GRIA4: variants seen among roughly 807,000 people sequenced by gnomAD.
GRIA4 encodes the protein glutamate receptor 4.
GRIA4 carries 34 observed loss-of-function variants against 104.0 expected under a neutral mutation model. The ratio of observed to expected loss-of-function variants is 0.33; its 90% confidence interval spans 0.25 to 0.44. GRIA4 has a LOEUF of 0.44. Among genes scored for constraint, GRIA4 ranks in the 20% least tolerant of loss-of-function variants. The pLI is 1.00. For missense variants in GRIA4, 750 were observed against 1,096.5 expected (o/e 0.68, Z 4.46); for synonymous variants, 386 against 381.9 (o/e 1.01, Z -0.13).
chr11:105,712,569 G>T (rs948025428), intron 3 of GRIA4, among the ~76,000 whole-genome samples: 13 of 152,006 alleles, frequency 8.6e-5, no homozygotes, highest in Non-Finnish European at 5.9e-5. Flanking sequence ...ACTTTTCAAA[G>T]GGATTATTAC....
chr11:105,659,116 G>A (rs1401881086), intron 3 of GRIA4, among the ~76,000 whole-genome samples: 1 of 151,958 alleles, frequency 6.6e-6, no homozygotes, highest in Non-Finnish European at 1.5e-5. Context: ...AAATACCTGA[G>A]GGTTCCAGTG....
chr11:105,808,916 T>C (rs1269794553), intron 4 of GRIA4, among the ~76,000 whole-genome samples: 1 of 152,162 alleles, frequency 6.6e-6, no homozygotes, highest in Non-Finnish European at 1.5e-5. Flanking sequence ...TTCACACATA[T>C]TTAAATTTTT....
chr11:105,699,013 A>G (rs1953389280), intron 3 of GRIA4, among the ~76,000 whole-genome samples: 1 of 152,166 alleles, frequency 6.6e-6, no homozygotes. Flanking sequence ...AGTTATCCTA[A>G]CTTCCTACAA....
At chr11:105,786,804 C>T (rs1443033674) in intron 4 of GRIA4, among the ~76,000 whole-genome samples, 1 of 152,190 alleles carries the variant, frequency 6.6e-6, no homozygotes, top group Non-Finnish European at 1.5e-5. Flanking sequence ...AATTGAACCA[C>T]TAGCAATTAT....
chr11:105,791,510 T>C (rs959489283), intron 4 of GRIA4, among the ~76,000 whole-genome samples: 2 of 152,194 alleles, frequency 1.3e-5, no homozygotes, highest in African/African-American at 4.8e-5. Flanking sequence ...TAATGAAGAT[T>C]ACTCCCATTT....
chr11:105,948,585 TTTTC>T (rs1948376362), intron 14 of GRIA4, among the ~76,000 whole-genome samples: 2 of 139,144 alleles, frequency 1.4e-5, no homozygotes, highest in South Asian at 4.7e-4. Flanking sequence ...TTTTCTTTTC[TTTTC>T]TTTTTGTTTT....
At chr11:105,725,790 G>C (rs954439022) in intron 3 of GRIA4, among the ~76,000 whole-genome samples, 8 of 152,096 alleles carry the variant, frequency 5.3e-5, no homozygotes, top group African/African-American at 1.9e-4. Flanking sequence ...GAAGCACAAG[G>C]GTCGGGCAAC....
At chr11:105,636,501 T>G (rs1236273423) in intron 3 of GRIA4, among the ~76,000 whole-genome samples, 1 of 152,180 alleles carries the variant, frequency 6.6e-6, no homozygotes, top group Non-Finnish European at 1.5e-5. Context: ...TTTATCATTT[T>G]CTTTTCTCCA....
chr11:105,662,001 G>GTGTT lies in GRIA4; in HGVS notation c.247+49570_247+49571insTTGT, dbSNP rs545828485. ...CTTCAATGAAGAAAACTGTGTGTGTGTGTGTTTGTGTGTGTGTGTGTGTGC... is the reference window on the plus strand; with the variant it reads ...CTTCAATGAAGAAAACTGTGTGTGTGTGTTTGTGTTTGTGTGTGTGTGTGTGTGC... On this transcript the variant is annotated intron_variant, in intron 3 of 16. Coordinates refer to ENST00000282499, the MANE Select transcript of GRIA4 (RefSeq NM_000829.4). Among the ~76,000 whole-genome samples, 56 of 52,176 alleles carry GTGTT rather than the reference G, an allele frequency of 1.1e-3. 1 individual carries two copies. The highest frequency in any genetic ancestry group is 3.1e-3 in the African/African-American group (43 of 13,988). The allele number at this position is 52,176 out of a possible 152,430, so 34.2% of individuals were successfully genotyped here. A position where few individuals can be genotyped will look rare whatever the true frequency, so the allele number is the denominator to read the frequency against.
intron 14 of GRIA4, among the ~76,000 whole-genome samples, chr11:105,935,629 G>A (rs370376853): frequency 3.7e-4 from 57 of 152,250 alleles, no homozygotes; most frequent in Admixed American, 6.5e-4. Context: ...GTAGATCAGT[G>A]TTCAGACTAT....
At chr11:105,904,807 G>A (rs1209131425) in intron 8 of GRIA4, among the ~76,000 whole-genome samples, 2 of 152,104 alleles carry the variant, frequency 1.3e-5, no homozygotes, top group African/African-American at 4.8e-5. Context: ...TTAGCAAGGT[G>A]AGAATATGAT....
intron 4 of GRIA4, among the ~76,000 whole-genome samples, chr11:105,855,679 T>A (rs2136000942): frequency 6.6e-6 from 1 of 152,262 alleles, no homozygotes; most frequent in South Asian, 2.1e-4. Context: ...TGTAAAAAGA[T>A]GTTTGTGGAG....
At chr11:105,725,589 T>C (rs1489624234) in intron 3 of GRIA4, among the ~76,000 whole-genome samples, 2 of 151,720 alleles carry the variant, frequency 1.3e-5, no homozygotes, top group Admixed American at 6.6e-5. Flanking sequence ...AAGAAGGAGA[T>C]TGGAAAGCAG....
chr11:105,688,794 C>A (rs1952984364), intron 3 of GRIA4, among the ~76,000 whole-genome samples: 1 of 152,050 alleles, frequency 6.6e-6, no homozygotes, highest in African/African-American at 2.4e-5. Flanking sequence ...ATTCTGTTAG[C>A]AGAGTGGTTG....
At chr11:105,967,202 A>C (rs1858427560) in intron 14 of GRIA4, among the ~76,000 whole-genome samples, 1 of 152,186 alleles carries the variant, frequency 6.6e-6, no homozygotes, top group South Asian at 2.1e-4. Context: ...CAAATACAGG[A>C]GAAGTAAAAC....
At chr11:105,858,269 C>G (rs1945090021) in intron 4 of GRIA4, among the ~76,000 whole-genome samples, 1 of 151,764 alleles carries the variant, frequency 6.6e-6, no homozygotes, top group South Asian at 2.1e-4. Flanking sequence ...GATAGTTTAC[C>G]TATCGGTTTT....
chr11:105,968,947 C>A (rs750467490), intron 14 of GRIA4, among the ~76,000 whole-genome samples: 1 of 152,182 alleles, frequency 6.6e-6, no homozygotes, highest in Non-Finnish European at 1.5e-5. Flanking sequence ...GCAACAGCTG[C>A]AACCATCAAT....
At chr11:105,870,427 A>G (rs1290330354) in intron 5 of GRIA4, among the ~76,000 whole-genome samples, 3 of 151,966 alleles carry the variant, frequency 2.0e-5, no homozygotes, top group African/African-American at 7.2e-5. Context: ...TCCAGTACCT[A>G]CTAATTTCCA....
chr11:105,672,848 A>C (rs1303968217), intron 3 of GRIA4, among the ~76,000 whole-genome samples: 1 of 152,136 alleles, frequency 6.6e-6, no homozygotes, highest in Admixed American at 6.6e-5. Context: ...GACTTTTACC[A>C]ATCTAAAATT....
Sources: allele counts gnomAD v4.1 joint callset (sites outside exome capture counted in the v4.1 genomes callset), GRCh38; gene constraint gnomAD v4.1.1; transcripts MANE v1.5; gene names NCBI Gene and HGNC (gene_info 2026-07-23, HGNC 2026-07-21).